The following ADAM12 variants were observed in gnomAD, a reference collection of about 807,000 sequenced individuals.
ADAM12 encodes ADAM metallopeptidase domain 12.
ADAM12 carries 70 observed loss-of-function variants against 106.4 expected under a neutral mutation model. The observed-to-expected ratio is 0.66, with a 90% CI of 0.54 to 0.80. ADAM12 has a LOEUF of 0.80. ADAM12 is among the 30% of genes least tolerant of loss of function. The pLI is 0.00. For missense variants in ADAM12, 1,010 were observed against 1,171.9 expected (o/e 0.86, Z 2.02); for synonymous variants, 420 against 433.5 (o/e 0.97, Z 0.39).
intron 3 of ADAM12, among the ~76,000 whole-genome samples, chr10:126,189,074 C>T (rs1190103370): frequency 6.6e-6 from 1 of 152,126 alleles, no homozygotes; most frequent in African/African-American, 2.4e-5. Flanking sequence ...AAGCCCACAT[C>T]CTAGAGTAGG....
Position 126,015,350 on chromosome 10 carries a change from C to T in ADAM12, c.*1929G>A, listed in dbSNP as rs1299363064. ...TGGGCATCTAAAAAGACAATGCCCA[C>T]GTAATGCACCATAAAATTCTGTAAA... On this transcript the variant is annotated 3_prime_UTR_variant, in exon 23 of 23. Coordinates refer to ENST00000448723, the MANE Select transcript of ADAM12 (RefSeq NM_001288973.2). 4.6e-5 allele frequency: 7 copies of T among 152,180 alleles called. No homozygotes were observed. Among genetic ancestry groups the T allele is most frequent in the Admixed American group, 2.6e-4 (4 of 15,282 alleles). 9.4% of individuals were successfully genotyped at this position (152,180 alleles called of 1,614,324 possible). A position where few individuals can be genotyped will look rare whatever the true frequency, so the allele number is the denominator to read the frequency against.
At chr10:126,380,369 G>A (rs1856447959) in intron 1 of ADAM12, among the ~76,000 whole-genome samples, 1 of 152,172 alleles carries the variant, frequency 6.6e-6, no homozygotes. Context: ...TATAGTTATG[G>A]CAAAGATAGG....
At chr10:126,205,984 C>A (rs1176755816) in intron 3 of ADAM12, among the ~76,000 whole-genome samples, 1 of 152,092 alleles carries the variant, frequency 6.6e-6, no homozygotes, top group South Asian at 2.1e-4. Flanking sequence ...ACATCATAGT[C>A]TAAAAATCTT....
intron 3 of ADAM12, among the ~76,000 whole-genome samples, chr10:126,244,822 G>A (rs1400517112): frequency 6.6e-6 from 1 of 152,182 alleles, no homozygotes; most frequent in Non-Finnish European, 1.5e-5. Context: ...AGGAATGGGG[G>A]ACTAGAAATT....
At position 126,049,716 on chromosome 10, in the gene ADAM12, T is replaced by C; in HGVS notation, c.1610-47A>G. 6.4e-7 allele frequency: 1 copy of C among 1,557,942 alleles called. No individual in the cohort carries two copies. The highest frequency in any genetic ancestry group is 8.8e-7 in the Non-Finnish European group (1 of 1,135,544). On this transcript the variant is annotated intron_variant, in intron 14 of 22. Transcript: ENST00000448723. This position sits in a 1 kb window ranked among gnomAD's most constrained non-coding sequence, Gnocchi z 4.4. ...ATTTTCATCTCCTGCAGGTGATTTT[T>C]TTTTTTTCATGGCTGTAGGCCTCTC...
intron 2 of ADAM12, among the ~76,000 whole-genome samples, chr10:126,292,580 C>T (rs949828671): frequency 6.6e-6 from 1 of 152,210 alleles, no homozygotes; most frequent in Non-Finnish European, 1.5e-5. Flanking sequence ...CCACCTGCCT[C>T]CTCTTCCTCC....
chr10:126,067,635 A>G (rs896615079), intron 12 of ADAM12, among the ~76,000 whole-genome samples: 3 of 152,252 alleles, frequency 2.0e-5, no homozygotes, highest in African/African-American at 7.2e-5. Flanking sequence ...GCATTTATCA[A>G]GTGAAGTCCT....
intron 3 of ADAM12, among the ~76,000 whole-genome samples, chr10:126,226,939 GCT>G (rs1565151450): frequency 2.6e-5 from 4 of 152,108 alleles, no homozygotes; most frequent in Admixed American, 2.6e-4. Flanking sequence ...TTCCTGTTTT[GCT>G]CTCTGTTCTC....
At chr10:126,337,398 A>G (rs1854740352) in intron 1 of ADAM12, among the ~76,000 whole-genome samples, 1 of 152,202 alleles carries the variant, frequency 6.6e-6, no homozygotes, top group South Asian at 2.1e-4. Flanking sequence ...CACTGGTGCA[A>G]GTCCCAGAGT....
At position 126,121,113 on chromosome 10, in the gene ADAM12, A is replaced by ATATATAC. The variant is rs751471972; in HGVS notation, c.417-2890_417-2889insGTATATA. Among the ~76,000 whole-genome samples, 4 of 84,480 alleles carry ATATATAC rather than the reference A, an allele frequency of 4.7e-5. No homozygotes were observed. The South Asian group carries it at 9.9e-4, about 21-fold the overall frequency. 55.4% of individuals were successfully genotyped at this position (84,480 alleles called of 152,430 possible). A position where few individuals can be genotyped will look rare whatever the true frequency, so the allele number is the denominator to read the frequency against. ...TATAATATACTATATTATATATAGTATATATATAGTATATATACTATATAC... is the reference window on the plus strand; with the variant it reads ...TATAATATACTATATTATATATAGTATATATACTATATATAGTATATATACTATATAC... On this transcript the variant is annotated intron_variant, in intron 5 of 22. Coordinates refer to ENST00000448723, the MANE Select transcript of ADAM12 (RefSeq NM_001288973.2).
chr10:126,298,506 G>C (rs1315874680), intron 2 of ADAM12, among the ~76,000 whole-genome samples: 1 of 152,048 alleles, frequency 6.6e-6, no homozygotes, highest in Admixed American at 6.6e-5. Flanking sequence ...ATAAAAGGCT[G>C]GAAAGTTCAG....
At chr10:126,161,543 G>A (rs750211353) in intron 3 of ADAM12, among the ~76,000 whole-genome samples, 3 of 152,222 alleles carry the variant, frequency 2.0e-5, no homozygotes, top group Non-Finnish European at 2.9e-5. Flanking sequence ...AGATGAATAC[G>A]TGAAAGAATA....
At chr10:126,141,188 G>T (rs1956503685) in intron 4 of ADAM12, among the ~76,000 whole-genome samples, 1 of 152,230 alleles carries the variant, frequency 6.6e-6, no homozygotes, top group South Asian at 2.1e-4. Flanking sequence ...ATCACTGCAT[G>T]GCCCTTACCA....
At chr10:126,206,430 A>G (rs1957795621) in intron 3 of ADAM12, among the ~76,000 whole-genome samples, 1 of 152,174 alleles carries the variant, frequency 6.6e-6, no homozygotes, top group Non-Finnish European at 1.5e-5. Flanking sequence ...ACAAGCGTCA[A>G]AGTGAAAGAG....
intron 2 of ADAM12, among the ~76,000 whole-genome samples, chr10:126,301,114 C>T (rs1236412150): frequency 2.6e-5 from 4 of 152,114 alleles, no homozygotes; most frequent in African/African-American, 4.8e-5. Context: ...CCAGGGGTGC[C>T]GCTAAACATT....
intron 4 of ADAM12, among the ~76,000 whole-genome samples, chr10:126,142,116 C>A (rs569154974): frequency 2.0e-5 from 3 of 152,312 alleles, no homozygotes; most frequent in South Asian, 4.1e-4. Flanking sequence ...GCATTTCTCT[C>A]AGAAACATGA....
At position 126,049,988 on chromosome 10, in the gene ADAM12, GTGGCTGGCTGGCTGGCTGGC is replaced by G. The variant is rs60411537; in HGVS notation, c.1610-339_1610-320del. On this transcript the variant is annotated intron_variant, in intron 14 of 22. Transcript: ENST00000448723. The surrounding 1 kb of genome is among the most constrained non-coding windows in gnomAD (Gnocchi z 4.4). ...AGATCTGATCCAGGGCAGAAAGGAG[GTGGCTGGCTGGCTGGCTGGC>G]TGGCTGGCTGGCTGGCTGGCTGGCT... Among the ~76,000 whole-genome samples the G allele has an allele frequency of 1.3e-5, 2 of 149,830 alleles. No homozygotes were observed. Among genetic ancestry groups the G allele is most frequent in the African/African-American group, 4.9e-5 (2 of 40,756 alleles).
intron 8 of ADAM12, among the ~76,000 whole-genome samples, chr10:126,105,132 C>T (rs1286149087): frequency 6.6e-6 from 1 of 152,128 alleles, no homozygotes; most frequent in Non-Finnish European, 1.5e-5. Flanking sequence ...CAAGGACAGC[C>T]AGGCCGGCAA....
chr10:126,078,668 T>C (rs912327071), intron 11 of ADAM12, among the ~76,000 whole-genome samples: 1 of 152,204 alleles, frequency 6.6e-6, no homozygotes, highest in Non-Finnish European at 1.5e-5. Flanking sequence ...CTAGGTGATA[T>C]GGTGGTGCTT....
Sources: allele counts gnomAD v4.1 joint callset (sites outside exome capture counted in the v4.1 genomes callset), GRCh38; gene constraint gnomAD v4.1.1; non-coding constraint Gnocchi (gnomAD v3.1); transcripts MANE v1.5; gene names NCBI Gene and HGNC (gene_info 2026-07-23, HGNC 2026-07-21).